Variants in CNTNAP2 observed in about 807,000 individuals in gnomAD.
CNTNAP2 encodes the protein contactin associated protein 2.
Under a neutral mutation model 155.2 loss-of-function variants are expected in CNTNAP2, and 98 were observed. The observed-to-expected ratio is 0.63, with a 90% CI of 0.54 to 0.75. The LOEUF is 0.75. Ranked by LOEUF, CNTNAP2 falls within the 30% of genes least tolerant of loss-of-function variation. The probability of loss-of-function intolerance (pLI) is 0.00; values close to 1 mark genes in which losing one functional copy is unlikely to be tolerated. For missense variants in CNTNAP2, 1,727 were observed against 1,688.1 expected, an observed-to-expected ratio of 1.02 and a Z score of -0.40; for synonymous variants, 651 against 631.2, an observed-to-expected ratio of 1.03 and a Z score of -0.47.
intron 1 of CNTNAP2, among the ~76,000 whole-genome samples, chr7:146,602,518 G>C (rs778846089): frequency 6.6e-6 from 1 of 152,118 alleles, no homozygotes; most frequent in East Asian, 1.9e-4. Flanking sequence ...ATGTTTACTT[G>C]ATATTTAAAA....
At chr7:146,313,328 A>C (rs1243314510) in intron 1 of CNTNAP2, among the ~76,000 whole-genome samples, 1 of 152,120 alleles carries the variant, frequency 6.6e-6, no homozygotes, top group East Asian at 1.9e-4. Context: ...GCAGTTTTTC[A>C]TATATCTATT....
intron 15 of CNTNAP2, among the ~76,000 whole-genome samples, chr7:148,081,388 C>A (rs1010506373): frequency 6.6e-6 from 1 of 151,968 alleles, no homozygotes; most frequent in Non-Finnish European, 1.5e-5. Context: ...TGCAAAAGGC[C>A]GACCCACCCT....
intron 7 of CNTNAP2, among the ~76,000 whole-genome samples, chr7:147,129,747 T>G (rs1584862065): frequency 6.6e-6 from 1 of 152,270 alleles, no homozygotes; most frequent in Non-Finnish European, 1.5e-5. Flanking sequence ...TAAAATGATT[T>G]GACAAATGGA....
chr7:147,967,308 A>G (rs985040659), intron 14 of CNTNAP2, among the ~76,000 whole-genome samples: 2 of 152,240 alleles, frequency 1.3e-5, no homozygotes, highest in Non-Finnish European at 2.9e-5. Flanking sequence ...CATTGAAATT[A>G]TTTTAGAATT....
chr7:148,242,488 G>A (rs1052548290), intron 20 of CNTNAP2, among the ~76,000 whole-genome samples: 2 of 152,192 alleles, frequency 1.3e-5, no homozygotes, highest in African/African-American at 4.8e-5. Flanking sequence ...ACCAGTGAGC[G>A]TAGGGAAGGG....
At chr7:147,653,829 T>A (rs1236516917) in intron 13 of CNTNAP2, among the ~76,000 whole-genome samples, 1 of 152,236 alleles carries the variant, frequency 6.6e-6, no homozygotes, top group Non-Finnish European at 1.5e-5. Flanking sequence ...TAAAATCAAT[T>A]AATCTTTCTC....
intron 19 of CNTNAP2, among the ~76,000 whole-genome samples, chr7:148,225,449 A>G (rs1229368713): frequency 6.6e-6 from 1 of 152,166 alleles, no homozygotes; most frequent in Non-Finnish European, 1.5e-5. Flanking sequence ...TAGGAACAGG[A>G]AGCCAATGTG....
chr7:148,254,193 G>A (rs114717044), intron 20 of CNTNAP2, among the ~76,000 whole-genome samples: 10 of 152,152 alleles, frequency 6.6e-5, no homozygotes, highest in Non-Finnish European at 1.0e-4. Context: ...AGTCCCATCC[G>A]TGGCAAGCAG....
intron 9 of CNTNAP2, among the ~76,000 whole-genome samples, chr7:147,323,325 C>T (rs1185156915): frequency 4.0e-5 from 5 of 124,916 alleles, no homozygotes; most frequent in South Asian, 3.1e-4. Context: ...GCCTTCATTT[C>T]GTTATGTACC....
intron 1 of CNTNAP2, among the ~76,000 whole-genome samples, chr7:146,514,066 G>A (rs540678404): frequency 6.6e-6 from 1 of 151,932 alleles, no homozygotes; most frequent in African/African-American, 2.4e-5. Flanking sequence ...TTTTCACTGA[G>A]AATCACTGAG....
chr7:147,091,888 G>A (rs1800414801), intron 4 of CNTNAP2, among the ~76,000 whole-genome samples: 1 of 152,092 alleles, frequency 6.6e-6, no homozygotes, highest in Admixed American at 6.5e-5. Context: ...TTACAGGCGT[G>A]AGCCACCGCG....
chr7:146,732,361 T>C (rs1801540684), intron 1 of CNTNAP2, among the ~76,000 whole-genome samples: 2 of 152,188 alleles, frequency 1.3e-5, no homozygotes, highest in South Asian at 4.1e-4. Flanking sequence ...AAATTCACCT[T>C]GCTGTTCCAG....
chr7:148,193,401 C>T (rs1468785136), intron 18 of CNTNAP2, among the ~76,000 whole-genome samples: 1 of 152,092 alleles, frequency 6.6e-6, no homozygotes, highest in Non-Finnish European at 1.5e-5. Flanking sequence ...AAATGAACTT[C>T]GGGGTCAAAG....
intron 12 of CNTNAP2, among the ~76,000 whole-genome samples, chr7:147,609,309 A>G (rs1801135808): frequency 6.6e-6 from 1 of 152,126 alleles, no homozygotes; most frequent in East Asian, 1.9e-4. Flanking sequence ...AGGTGGGCGG[A>G]CCACGAGGTC....
intron 3 of CNTNAP2, among the ~76,000 whole-genome samples, chr7:146,865,587 T>G (rs1363830702): frequency 6.6e-6 from 1 of 152,122 alleles, no homozygotes; most frequent in Non-Finnish European, 1.5e-5. Flanking sequence ...TAGAAAATGA[T>G]ATCCATATGG....
At chr7:147,220,752 T>C (rs892200183) in intron 8 of CNTNAP2, among the ~76,000 whole-genome samples, 2 of 152,208 alleles carry the variant, frequency 1.3e-5, no homozygotes, top group African/African-American at 4.8e-5. Context: ...TCTCACTCTC[T>C]TGCCCAGGCT....
chr7:147,285,897 A>G (rs912365152), intron 8 of CNTNAP2, among the ~76,000 whole-genome samples: 1 of 152,078 alleles, frequency 6.6e-6, no homozygotes, highest in African/African-American at 2.4e-5. Flanking sequence ...TGGATACCAA[A>G]CTAATCTCAG....
At chr7:148,081,496 C>A (rs371592688) in intron 15 of CNTNAP2, among the ~76,000 whole-genome samples, 1 of 152,112 alleles carries the variant, frequency 6.6e-6, no homozygotes, top group African/African-American at 2.4e-5. Flanking sequence ...AGCCTCCCAG[C>A]CTACCTCTTT....
chr7:146,531,122 CA>C (rs958288782), intron 1 of CNTNAP2, among the ~76,000 whole-genome samples: 1 of 152,090 alleles, frequency 6.6e-6, no homozygotes, highest in African/African-American at 2.4e-5. Context: ...CACAGGAACA[CA>C]AAACCAAATA....
Sources: allele counts gnomAD v4.1 joint callset (sites outside exome capture counted in the v4.1 genomes callset), GRCh38; gene constraint gnomAD v4.1.1; transcripts MANE v1.5; gene names NCBI Gene and HGNC (gene_info 2026-07-23, HGNC 2026-07-21).